DGKI: variants seen among roughly 807,000 people sequenced by gnomAD.
The protein encoded by DGKI is DAG kinase iota.
DGKI carries 55 observed loss-of-function variants against 147.5 expected under a neutral mutation model. That is an observed-to-expected ratio of 0.37 (90% CI 0.30 to 0.47). The LOEUF is 0.47. Ranked by LOEUF, DGKI falls within the 20% of genes least tolerant of loss-of-function variation. DGKI has a pLI of 1.00. For synonymous variants in DGKI, 469 were observed against 477.1 expected (o/e 0.98, Z 0.22); for missense variants, 1,007 against 1,323.8 (o/e 0.76, Z 3.71).
chr7:137,499,083 C>A (rs1175002012), intron 21 of DGKI, among the ~76,000 whole-genome samples: 2 of 152,238 alleles, frequency 1.3e-5, no homozygotes, highest in East Asian at 3.9e-4. Flanking sequence ...AAAGCATCAC[C>A]TTTTCTTTAC....
intron 1 of DGKI, among the ~76,000 whole-genome samples, chr7:137,773,112 C>A (rs1796257881): frequency 1.3e-5 from 2 of 152,218 alleles, no homozygotes; most frequent in South Asian, 2.1e-4. Context: ...CATTTTACTT[C>A]TACAAACTGT....
At chr7:137,623,173 T>C (rs1478161646) in intron 7 of DGKI, among the ~76,000 whole-genome samples, 2 of 152,214 alleles carry the variant, frequency 1.3e-5, no homozygotes. Flanking sequence ...AGGGAAAATG[T>C]GGTCTAGGTG....
At chr7:137,451,431 C>G (rs1813950897) in intron 27 of DGKI, among the ~76,000 whole-genome samples, 1 of 152,156 alleles carries the variant, frequency 6.6e-6, no homozygotes, top group African/African-American at 2.4e-5. Flanking sequence ...CTCAAAGATA[C>G]TTTTTTTAGA....
At chr7:137,399,329 T>C (rs185207399) in intron 30 of DGKI, among the ~76,000 whole-genome samples, 1 of 152,314 alleles carries the variant, frequency 6.6e-6, no homozygotes, top group Admixed American at 6.5e-5. Flanking sequence ...GCACCTACCC[T>C]ATATTAAGGA....
chr7:137,744,761 T>C (rs146729030), intron 1 of DGKI, among the ~76,000 whole-genome samples: 24 of 152,336 alleles, frequency 1.6e-4, no homozygotes, highest in African/African-American at 5.5e-4. Context: ...ATAAGCGTGA[T>C]TTACCACATA....
In DGKI at chr7:137,670,379, G is replaced by A. The variant is rs17169371; in HGVS notation, c.606+8178C>T. ...ACAGCACTTGGTACCAAATTATAACGATCCCCATGACAGTTGTCATAGTAA... is the reference window on the plus strand; with the variant it reads ...ACAGCACTTGGTACCAAATTATAACAATCCCCATGACAGTTGTCATAGTAA... On this transcript the variant is annotated intron_variant, in intron 3 of 32. Coordinates refer to ENST00000614521, the MANE Select transcript of DGKI (RefSeq NM_001321708.2). Among the ~76,000 whole-genome samples, 609 of 152,122 alleles carry A rather than the reference G, an allele frequency of 4.0e-3. 1 individual carries two copies. The highest frequency in any genetic ancestry group is 0.014 in the African/African-American group (587 of 41,490).
intron 6 of DGKI, among the ~76,000 whole-genome samples, chr7:137,635,809 A>C (rs556559860): frequency 6.6e-5 from 10 of 152,278 alleles, no homozygotes; most frequent in African/African-American, 1.7e-4. Context: ...AAATACAGAA[A>C]CCAGTGAGAG....
At chr7:137,471,832 T>G (rs1814902601) in intron 23 of DGKI, among the ~76,000 whole-genome samples, 1 of 148,696 alleles carries the variant, frequency 6.7e-6, no homozygotes, top group African/African-American at 2.5e-5. Flanking sequence ...TTTATAAATA[T>G]ATCCATATAG....
chr7:137,842,931 A>G (rs927267552), intron 1 of DGKI, among the ~76,000 whole-genome samples: 2 of 152,206 alleles, frequency 1.3e-5, no homozygotes, highest in African/African-American at 4.8e-5. Context: ...GCATGCATAC[A>G]CATATGCACA....
At chr7:137,515,494 G>T (rs1816716715) in intron 21 of DGKI, among the ~76,000 whole-genome samples, 1 of 152,136 alleles carries the variant, frequency 6.6e-6, no homozygotes, top group African/African-American at 2.4e-5. Context: ...ACCTGAGTGT[G>T]ATAAACTAAG....
chr7:137,597,798 TAAGA>T, intron 12 of DGKI, 45 bp downstream of exon 12: 2 of 1,562,802 alleles, frequency 1.3e-6, no homozygotes, highest in Non-Finnish European at 1.8e-6. Flanking sequence ...AAGAAAACAA[TAAGA>T]AAGATAGAAT....
chr7:137,706,909 C>T (rs957616022), intron 1 of DGKI, among the ~76,000 whole-genome samples: 1 of 152,156 alleles, frequency 6.6e-6, no homozygotes, highest in Non-Finnish European at 1.5e-5. Flanking sequence ...TCCTAAGAAC[C>T]AGTCCTAGGT....
At chr7:137,835,409 C>G (rs1297422236) in intron 1 of DGKI, among the ~76,000 whole-genome samples, 1 of 152,126 alleles carries the variant, frequency 6.6e-6, no homozygotes, top group Non-Finnish European at 1.5e-5. Flanking sequence ...CTAAAAATCA[C>G]TGAGCTACAG....
chr7:137,789,911 T>C (rs2116921661), intron 1 of DGKI, among the ~76,000 whole-genome samples: 1 of 152,310 alleles, frequency 6.6e-6, no homozygotes, highest in Middle Eastern at 3.4e-3. Context: ...GGTAACACCA[T>C]AGTTTTGCTA....
intron 1 of DGKI, among the ~76,000 whole-genome samples, chr7:137,797,877 G>T (rs1409707359): frequency 1.3e-5 from 2 of 151,906 alleles, no homozygotes; most frequent in East Asian, 1.9e-4. Context: ...CTAAATAAAT[G>T]AAATAGAGAG....
chr7:137,516,030 C>T (rs1216666023), intron 21 of DGKI, among the ~76,000 whole-genome samples: 1 of 152,068 alleles, frequency 6.6e-6, no homozygotes, highest in Non-Finnish European at 1.5e-5. Context: ...AGACAGATTT[C>T]AACTTGGAAA....
At chr7:137,601,532 T>A (rs1379998763) in intron 10 of DGKI, among the ~76,000 whole-genome samples, 1 of 152,196 alleles carries the variant, frequency 6.6e-6, no homozygotes. Flanking sequence ...AGATTTGAGG[T>A]CAAACTAACT....
chr7:137,766,308 G>T (rs537631921), intron 1 of DGKI, among the ~76,000 whole-genome samples: 1 of 152,308 alleles, frequency 6.6e-6, no homozygotes, highest in African/African-American at 2.4e-5. Context: ...ATCAAATATG[G>T]TTGTGTCAAC....
chr7:137,838,448 C>T (rs1487410834), intron 1 of DGKI, among the ~76,000 whole-genome samples: 1 of 152,212 alleles, frequency 6.6e-6, no homozygotes, highest in African/African-American at 2.4e-5. Context: ...ACCGCTTCCA[C>T]ATAAGCTTAT....
Sources: gnomAD v4.1 joint callset for allele counts (sites outside exome capture counted in the v4.1 genomes callset) on GRCh38, gnomAD v4.1.1 for gene constraint, MANE v1.5 for transcripts, NCBI Gene and HGNC (gene_info 2026-07-23, HGNC 2026-07-21) for gene names.